Variants in CACNB4 observed in about 807,000 individuals in gnomAD.
The protein encoded by CACNB4 is voltage-dependent L-type calcium channel subunit beta-4.
Under a neutral mutation model 71.2 loss-of-function variants are expected in CACNB4, and 32 were observed. The ratio of observed to expected loss-of-function variants is 0.45; its 90% CI spans 0.34 to 0.60. The LOEUF (loss-of-function observed/expected upper bound fraction) is 0.60. CACNB4 is among the 20% of genes least tolerant of loss of function. CACNB4 has a pLI of 0.01. For missense variants in CACNB4, 464 were observed against 647.9 expected, an observed-to-expected ratio of 0.72 and a Z score of 3.08; for synonymous variants, 231 against 236.9, an observed-to-expected ratio of 0.97 and a Z score of 0.23.
intron 2 of CACNB4, among the ~76,000 whole-genome samples, chr2:152,080,152 C>T (rs1043689787): frequency 1.3e-5 from 2 of 151,086 alleles, no homozygotes; most frequent in Non-Finnish European, 1.5e-5. Flanking sequence ...GGCGGAGTCT[C>T]GCTCTGTCGC....
chr2:152,027,511 G>A (rs1056011495), intron 2 of CACNB4, among the ~76,000 whole-genome samples: 3 of 152,154 alleles, frequency 2.0e-5, no homozygotes, highest in East Asian at 1.9e-4. Context: ...CTCACACCAA[G>A]GGAAGTGACA....
At chr2:151,841,383 G>T (rs1324982603) in intron 13 of CACNB4, among the ~76,000 whole-genome samples, 1 of 152,066 alleles carries the variant, frequency 6.6e-6, no homozygotes, top group Non-Finnish European at 1.5e-5. Context: ...GATCATCCTG[G>T]GCAACAAAGT....
chr2:151,983,375 TATTGG>T (rs2099875052), intron 2 of CACNB4, among the ~76,000 whole-genome samples: 1 of 152,206 alleles, frequency 6.6e-6, no homozygotes, highest in African/African-American at 2.4e-5. Flanking sequence ...TCCTTTGCAG[TATTGG>T]ATGGAAAATT....
intron 2 of CACNB4, among the ~76,000 whole-genome samples, chr2:152,096,222 G>A (rs1688259125): frequency 6.6e-6 from 1 of 151,978 alleles, no homozygotes; most frequent in Non-Finnish European, 1.5e-5. Flanking sequence ...GGTGGCTCAC[G>A]CCTGTAATCC....
chr2:151,977,114 C>T (rs1415338416), intron 2 of CACNB4, among the ~76,000 whole-genome samples: 2 of 152,184 alleles, frequency 1.3e-5, no homozygotes, highest in African/African-American at 4.8e-5. Context: ...TGGTGCTTCC[C>T]AGGAACCCAC....
At chr2:151,958,687 T>C (rs1342224398) in intron 2 of CACNB4, among the ~76,000 whole-genome samples, 2 of 152,224 alleles carry the variant, frequency 1.3e-5, no homozygotes, top group East Asian at 3.8e-4. Flanking sequence ...ACTGCTGCCC[T>C]AGTTCAGGCT....
At chr2:151,875,663 GGT>G (rs2099845881) in intron 5 of CACNB4, among the ~76,000 whole-genome samples, 1 of 116,710 alleles carries the variant, frequency 8.6e-6, no homozygotes, top group Non-Finnish European at 1.7e-5. Flanking sequence ...CGGCTGGCCG[GGT>G]GGGGGGCTGA....
chr2:151,968,350 G>A (rs757671434), intron 2 of CACNB4: 2 of 152,178 alleles, frequency 1.3e-5, no homozygotes, highest in Non-Finnish European at 2.9e-5. Context: ...AGAACACAGA[G>A]CCTATATCTG....
At chr2:151,882,498 G>A (rs553841309) in intron 3 of CACNB4, among the ~76,000 whole-genome samples, 5 of 152,124 alleles carry the variant, frequency 3.3e-5, no homozygotes, top group Admixed American at 6.5e-5. Flanking sequence ...AGGACAGGCC[G>A]GCCATGACCT....
chr2:152,091,204 C>A (rs1246616569), intron 2 of CACNB4, among the ~76,000 whole-genome samples: 1 of 152,114 alleles, frequency 6.6e-6, no homozygotes, highest in African/African-American at 2.4e-5. Flanking sequence ...AGAAGAAGCA[C>A]AGTTTGCCAA....
chr2:152,012,070 TATTTTA>T (rs1010999137), intron 2 of CACNB4, among the ~76,000 whole-genome samples: 42 of 149,826 alleles, frequency 2.8e-4, no homozygotes, highest in Non-Finnish European at 4.4e-5. Context: ...TTTTTATTTT[TATTTTA>T]GAGTATACTC....
chr2:152,009,667 C>T lies in CACNB4; in HGVS notation c.147+88663G>A, dbSNP rs561323061. 1.9e-3 allele frequency among the ~76,000 whole-genome samples: 292 copies of T among 152,180 alleles called. 3 individuals are homozygous for T. The highest frequency in any genetic ancestry group is 3.3e-3 in the Non-Finnish European group (225 of 68,036). ...CAGCAGCAAACGTGCAGGAAGTAAC[C>T]TTTGTGCCATTAATTTCCTGCAGTG... is the stretch of plus-strand genomic sequence containing the variant. On this transcript the variant is annotated intron_variant, in intron 2 of 13. Coordinates refer to ENST00000539935, the MANE Select transcript of CACNB4 (RefSeq NM_000726.5).
chr2:151,933,461 C>G (rs1426759787), intron 2 of CACNB4, among the ~76,000 whole-genome samples: 4 of 152,026 alleles, frequency 2.6e-5, no homozygotes, highest in Non-Finnish European at 5.9e-5. Context: ...TGCCTCACCA[C>G]AACCTTTGAG....
intron 12 of CACNB4, among the ~76,000 whole-genome samples, chr2:151,844,183 C>T (rs1293993699): frequency 1.3e-5 from 2 of 152,150 alleles, no homozygotes; most frequent in African/African-American, 4.8e-5. Context: ...ATCTTATGCT[C>T]AAGAAGCATA....
intron 2 of CACNB4, among the ~76,000 whole-genome samples, chr2:152,065,064 T>C (rs949136535): frequency 2.0e-5 from 3 of 152,204 alleles, no homozygotes; most frequent in Non-Finnish European, 4.4e-5. Flanking sequence ...GCTTGTGTGG[T>C]AAATGTGATT....
intron 2 of CACNB4, among the ~76,000 whole-genome samples, chr2:151,919,640 T>G (rs1217051062): frequency 2.6e-5 from 4 of 152,164 alleles, no homozygotes. Context: ...AAATGTCTAC[T>G]TAGGCTCCTC....
intron 2 of CACNB4, among the ~76,000 whole-genome samples, chr2:152,090,263 T>C (rs151337766): frequency 1.8e-3 from 277 of 152,328 alleles, no homozygotes; most frequent in African/African-American, 6.4e-3. Context: ...GTTGACCCTG[T>C]CTGGGGCAGC....
In CACNB4 at chr2:151,835,944, A is replaced by C. The variant is rs1339109255; in HGVS notation, c.*3175T>G. Reference sequence around the variant, plus strand: ...AATGACTTATATAGTCACAAAATTAAGACTCTTATTAGGAAAGACCATCAT... The same window carrying C: ...AATGACTTATATAGTCACAAAATTACGACTCTTATTAGGAAAGACCATCAT... On this transcript the variant is annotated 3_prime_UTR_variant, in exon 14 of 14. Coordinates refer to ENST00000539935, the MANE Select transcript of CACNB4 (RefSeq NM_000726.5). 6.6e-6 allele frequency: 1 copy of C among 151,888 alleles called. No homozygotes were observed. The highest frequency in any genetic ancestry group is 2.4e-5 in the African/African-American group (1 of 41,460). 9.4% of individuals were successfully genotyped at this position (151,888 alleles called of 1,614,324 possible).
chr2:151,947,423 C>T (rs890053253), intron 2 of CACNB4, among the ~76,000 whole-genome samples: 2 of 152,156 alleles, frequency 1.3e-5, no homozygotes, highest in African/African-American at 4.8e-5. Flanking sequence ...AACTGCATTC[C>T]TAACCAGTTT....
Sources: gnomAD v4.1 joint callset for allele counts (sites outside exome capture counted in the v4.1 genomes callset) on GRCh38, gnomAD v4.1.1 for gene constraint, MANE v1.5 for transcripts, NCBI Gene and HGNC (gene_info 2026-07-23, HGNC 2026-07-21) for gene names.